ARPC1A: variants seen among roughly 807,000 people sequenced by gnomAD.
ARPC1A encodes the protein actin-related protein 2/3 complex subunit 1A.
In ARPC1A, 8 loss-of-function variants were observed where a neutral mutation model predicts 46.9. The ratio of observed to expected loss-of-function variants is 0.17; its 90% confidence interval spans 0.10 to 0.31. The LOEUF (loss-of-function observed/expected upper bound fraction) is 0.31. ARPC1A is among the 10% of genes least tolerant of loss of function. ARPC1A has a pLI of 1.00. For synonymous variants in ARPC1A, 152 were observed against 169.0 expected (o/e 0.90, Z 0.78); for missense variants, 286 against 483.6 (o/e 0.59, Z 3.83).
At chr7:99,361,384 G>C (rs1317210377) in intron 8 of ARPC1A, among the ~76,000 whole-genome samples, 4 of 150,626 alleles carry the variant, frequency 2.7e-5, no homozygotes, top group Non-Finnish European at 5.9e-5. Flanking sequence ...CGCACCTGTA[G>C]TCCCAGCTAC....
Position 99,332,865 on chromosome 7 carries a change from A to G in ARPC1A, c.-29-460A>G, listed in dbSNP as rs1415215489. Among the ~76,000 whole-genome samples, 3 of 135,592 alleles carry G rather than the reference A, an allele frequency of 2.2e-5. No individual in the cohort carries two copies. The East Asian group carries it at 6.2e-4, about 28-fold the overall frequency. The allele number at this position is 135,592 out of a possible 152,430, so 89.0% of individuals were successfully genotyped here. On this transcript the variant is annotated intron_variant, in intron 1 of 9. Coordinates refer to ENST00000262942, the MANE Select transcript of ARPC1A (RefSeq NM_006409.4). ...ACCTGCCTGCCTTGGCCTCCCAAAGAAAGTTCTGGGATTAGAGGTGTGACC... is the reference window on the plus strand; with the variant it reads ...ACCTGCCTGCCTTGGCCTCCCAAAGGAAGTTCTGGGATTAGAGGTGTGACC...
At chr7:99,352,153 AG>A (rs913284403) in intron 5 of ARPC1A, among the ~76,000 whole-genome samples, 30 of 152,276 alleles carry the variant, frequency 2.0e-4, no homozygotes, top group South Asian at 8.3e-4. Context: ...TTGACTGCGC[AG>A]GCTTCCTGGA....
intron 1 of ARPC1A, among the ~76,000 whole-genome samples, chr7:99,326,883 A>G (rs926583186): frequency 3.7e-4 from 56 of 152,150 alleles, no homozygotes; most frequent in African/African-American, 1.2e-3. Context: ...AGCCTTATTT[A>G]TGTTTCTAGC....
At chr7:99,358,653 G>A (rs961544576) in intron 7 of ARPC1A, 17 of 447,454 alleles carry the variant, frequency 3.8e-5, no homozygotes, top group Non-Finnish European at 4.4e-5. Flanking sequence ...CGATTCTCCC[G>A]CCTCAGCCTC....
chr7:99,364,654 A>G (rs1432764455), intron 9 of ARPC1A, among the ~76,000 whole-genome samples: 1 of 152,170 alleles, frequency 6.6e-6, no homozygotes. Context: ...CTAGATGTCC[A>G]TTTATTCATT....
At chr7:99,340,955 T>C (rs1467644237) in intron 3 of ARPC1A, among the ~76,000 whole-genome samples, 1 of 152,228 alleles carries the variant, frequency 6.6e-6, no homozygotes, top group African/African-American at 2.4e-5. Flanking sequence ...TTTGGCCTAT[T>C]TTCTTAAGTT....
At chr7:99,333,283 T>C (rs1289946618) in intron 1 of ARPC1A, 42 bp from the exon 2 acceptor site, 10 of 1,304,338 alleles carry the variant, frequency 7.7e-6, no homozygotes, top group Admixed American at 1.8e-5. Flanking sequence ...TACTTGCCTT[T>C]TCCCTATTGT....
chr7:99,350,227 C>CTCTCTG lies in ARPC1A; in HGVS notation c.500+1286_500+1291dup, dbSNP rs1476582170. On this transcript the variant is annotated intron_variant, in intron 5 of 9. Transcript: ENST00000262942. ...TTAGAGGGGAGGATTAGCATGTACT[C>CTCTCTG]TCTCTGTCTCTGTCTCTGTCTCTTT... Among the ~76,000 whole-genome samples the CTCTCTG allele has an allele frequency of 6.6e-5, 10 of 152,262 alleles. No individual in the cohort carries two copies. In the South Asian group the frequency reaches 1.2e-3, roughly 19 times the overall value.
chr7:99,353,518 C>A (rs1292105845), intron 5 of ARPC1A, among the ~76,000 whole-genome samples: 1 of 148,920 alleles, frequency 6.7e-6, no homozygotes, highest in Non-Finnish European at 1.5e-5. Flanking sequence ...TCTCTTGTTG[C>A]CCAGGCTGGA....
intron 2 of ARPC1A, among the ~76,000 whole-genome samples, chr7:99,336,053 A>G (rs955355131): frequency 6.6e-6 from 1 of 152,130 alleles, no homozygotes; most frequent in African/African-American, 2.4e-5. Flanking sequence ...CATCTCACAG[A>G]GCTTCATAGC....
intron 4 of ARPC1A, among the ~76,000 whole-genome samples, chr7:99,348,010 T>C (rs1793488840): frequency 6.6e-6 from 1 of 152,112 alleles, no homozygotes; most frequent in Non-Finnish European, 1.5e-5. Flanking sequence ...GTCCTAGACA[T>C]AAATCATCTT....
intron 3 of ARPC1A, among the ~76,000 whole-genome samples, chr7:99,339,313 T>C (rs1793320808): frequency 6.6e-6 from 1 of 152,170 alleles, no homozygotes; most frequent in African/African-American, 2.4e-5. Flanking sequence ...TTTGGGAGGC[T>C]GAGGCGGGAG....
chr7:99,350,346 T>G (rs186651067), intron 5 of ARPC1A, among the ~76,000 whole-genome samples: 1 of 152,266 alleles, frequency 6.6e-6, no homozygotes, highest in Admixed American at 6.5e-5. Context: ...CTCTGCAAAT[T>G]CCAAAGTGAA....
intron 4 of ARPC1A, among the ~76,000 whole-genome samples, chr7:99,345,928 T>C (rs1165477529): frequency 6.6e-6 from 1 of 152,068 alleles, no homozygotes; most frequent in Non-Finnish European, 1.5e-5. Flanking sequence ...AAAATTGAGT[T>C]ATGGGCCAGG....
chr7:99,363,438 G>A (rs1326131363), intron 8 of ARPC1A, 105 bp from the exon 9 acceptor site: 2 of 826,768 alleles, frequency 2.4e-6, no homozygotes, highest in African/African-American at 1.8e-5. Flanking sequence ...AAATAAAGAA[G>A]AAGATAATTC....
chr7:99,327,641 A>G (rs1458822954), intron 1 of ARPC1A, among the ~76,000 whole-genome samples: 1 of 151,964 alleles, frequency 6.6e-6, no homozygotes, highest in Non-Finnish European at 1.5e-5. Flanking sequence ...ATTTTCTCCC[A>G]CAAAGTATTC....
chr7:99,333,001 A>C (rs1007789669), intron 1 of ARPC1A, among the ~76,000 whole-genome samples: 4 of 151,948 alleles, frequency 2.6e-5, no homozygotes, highest in African/African-American at 9.7e-5. Flanking sequence ...GATGCAAGCA[A>C]TTCTCCTGCC....
At chr7:99,343,915 T>C (rs1294586246) in intron 3 of ARPC1A, among the ~76,000 whole-genome samples, 1 of 152,196 alleles carries the variant, frequency 6.6e-6, no homozygotes, top group Non-Finnish European at 1.5e-5. Flanking sequence ...GGTGTGTTAA[T>C]GAATACAGTT....
intron 1 of ARPC1A, among the ~76,000 whole-genome samples, chr7:99,329,128 A>G (rs942732572): frequency 2.0e-5 from 3 of 151,910 alleles, no homozygotes; most frequent in African/African-American, 2.4e-5. Context: ...GTGAAACCCC[A>G]TCTCTACTAA....
Sources: allele counts gnomAD v4.1 joint callset (sites outside exome capture counted in the v4.1 genomes callset), GRCh38; gene constraint gnomAD v4.1.1; transcripts MANE v1.5; gene names NCBI Gene and HGNC (gene_info 2026-07-23, HGNC 2026-07-21).